Variants in PAX2 observed in about 807,000 individuals in gnomAD.
The protein encoded by PAX2 is paired box protein Pax-2.
Under a neutral mutation model 41.7 loss-of-function variants are expected in PAX2, and 9 were observed. The observed-to-expected ratio is 0.22, with a 90% CI of 0.13 to 0.38. The LOEUF is 0.38. PAX2 is among the 10% of genes least tolerant of loss of function. The pLI is 1.00. For synonymous variants in PAX2, 221 were observed against 212.7 expected (o/e 1.04, Z -0.34); for missense variants, 418 against 531.6 (o/e 0.79, Z 2.10).
chr10:100,760,148 C>T (rs1024641707), intron 3 of PAX2, among the ~76,000 whole-genome samples: 1 of 152,144 alleles, frequency 6.6e-6, no homozygotes, highest in Non-Finnish European at 1.5e-5. Flanking sequence ...ACTATGTGTG[C>T]TGGTGGTATC....
Position 100,806,354 on chromosome 10 carries a change from C to T in PAX2, c.617-76C>T. 3.4e-6 allele frequency: 5 copies of T among 1,491,536 alleles called. No homozygotes were observed. In the Admixed American group the frequency reaches 6.7e-5, roughly 20 times the overall value. 92.4% of individuals were successfully genotyped at this position (1,491,536 alleles called of 1,614,324 possible). ...GCTCCTGGGCCCGGAACCAGATGCC[C>T]ACCTCTTTGCCCTGCACTGTTCCTG... is the stretch of plus-strand genomic sequence containing the variant. On this transcript the variant is annotated intron_variant, in intron 5 of 9. Transcript: ENST00000355243.
Position 100,791,808 on chromosome 10 carries a change from A to AGAGT in PAX2, c.616+10445_616+10448dup, listed in dbSNP as rs1226736770. 1.3e-5 allele frequency among the ~76,000 whole-genome samples: 2 copies of AGAGT among 152,200 alleles called. No individual in the cohort carries two copies. Among genetic ancestry groups the AGAGT allele is most frequent in the Non-Finnish European group, 2.9e-5 (2 of 68,030 alleles). ...ACCTGCCATCTCCATCTCTTTAGGCAGAGTGCCCAGCATGAGCCCTTGGGC... is the reference window on the plus strand; with the variant it reads ...ACCTGCCATCTCCATCTCTTTAGGCAGAGTGAGTGCCCAGCATGAGCCCTTGGGC... On this transcript the variant is annotated intron_variant, in intron 5 of 9. Coordinates refer to ENST00000355243, the MANE Select transcript of PAX2 (RefSeq NM_000278.5). The surrounding 1 kb of genome is among the most constrained non-coding windows in gnomAD (Gnocchi z 4.5).
intron 5 of PAX2, chr10:100,786,794 C>T: frequency 2.1e-6 from 1 of 474,224 alleles, no homozygotes; most frequent in Non-Finnish European, 4.2e-6. Context: ...AAGGCCCTTA[C>T]AGCCAGGCTG....
rs765352654 is a variant in PAX2 at position 100,829,214 on chromosome 10, C to CCTGCCCCTCTCTCCCT, written c.*1610_*1625dup. The CCTGCCCCTCTCTCCCT allele has an allele frequency of 9.5e-5, 22 of 232,610 alleles. No homozygotes were observed. The South Asian group carries it at 3.4e-3, about 36-fold the overall frequency. The allele number at this position is 232,610 out of a possible 1,614,324, so 14.4% of individuals were successfully genotyped here. A position where few individuals can be genotyped will look rare whatever the true frequency, so the allele number is the denominator to read the frequency against. On this transcript the variant is annotated 3_prime_UTR_variant, in exon 10 of 10. Coordinates refer to ENST00000355243, the MANE Select transcript of PAX2 (RefSeq NM_000278.5). ...AATTCCGTGTTTTCGCTTTTTCCTC[C>CCTGCCCCTCTCTCCCT]CTGCCCCTCTCTCCCTCTGCCCCTC...
intron 3 of PAX2, among the ~76,000 whole-genome samples, chr10:100,755,431 A>G (rs1845593073): frequency 6.6e-6 from 1 of 152,376 alleles, no homozygotes; most frequent in East Asian, 1.9e-4. Flanking sequence ...GACGCAAAGA[A>G]GAAAAGAGAG....
chr10:100,738,989 C>T (rs1014815700), intron 1 of PAX2, among the ~76,000 whole-genome samples: 1 of 148,416 alleles, frequency 6.7e-6, no homozygotes, highest in Non-Finnish European at 1.5e-5. Context: ...CCCCGAGGGC[C>T]TAATCCGTCG....
chr10:100,749,566 T>G, intron 1 of PAX2, 180 bp from the exon 2 acceptor site: 1 of 1,402,822 alleles, frequency 7.1e-7, no homozygotes, highest in South Asian at 1.7e-5. Context: ...GCCCAGCGTC[T>G]GTGCTTCCAG....
chr10:100,825,212 G>A (rs535527033), intron 8 of PAX2, among the ~76,000 whole-genome samples: 1 of 152,254 alleles, frequency 6.6e-6, no homozygotes, highest in East Asian at 1.9e-4. Flanking sequence ...GAAGACCAAT[G>A]TTGAGAACCA....
intron 5 of PAX2, among the ~76,000 whole-genome samples, chr10:100,787,801 G>A (rs1306333963): frequency 6.6e-6 from 1 of 152,102 alleles, no homozygotes; most frequent in African/African-American, 2.4e-5. Flanking sequence ...TTTGAGAAAG[G>A]TGTGAGGAGC....
In PAX2 at chr10:100,735,610, G is replaced by A. The variant is rs1461612348; in HGVS notation, c.-99G>A. The stretch of plus-strand genomic sequence containing the variant: ...GTTGGGTGGCTGCGCCCAGATCTCC[G>A]GGCGGCGGCGGCGGCGAAGGCGAGA... On this transcript the variant is annotated 5_prime_UTR_variant, in exon 1 of 10. Coordinates refer to the PAX2 transcript ENST00000679374. 2.0e-6 allele frequency: 2 copies of A among 982,892 alleles called. 1 individual carries two copies. Among genetic ancestry groups the A allele is most frequent in the South Asian group, 9.5e-5 (2 of 21,016 alleles). 60.9% of individuals were successfully genotyped at this position (982,892 alleles called of 1,614,324 possible).
rs78118302 is a variant in PAX2, at chr10:100,806,757, T to C, written c.792+152T>C. On this transcript the variant is annotated intron_variant, in intron 6 of 9. Transcript: ENST00000355243. ...TGTGTGCAGTGTGAACAGGCTCACATGAGACAGTATGGTATCGTTAAGACA... is the reference window on the plus strand; with the variant it reads ...TGTGTGCAGTGTGAACAGGCTCACACGAGACAGTATGGTATCGTTAAGACA... The C allele has an allele frequency of 0.055, 42,496 of 766,528 alleles. 1,804 individuals are homozygous for C. Among genetic ancestry groups the C allele is most frequent in the African/African-American group, 0.13 (7,883 of 58,942 alleles). 47.5% of individuals were successfully genotyped at this position (766,528 alleles called of 1,614,324 possible). A position where few individuals can be genotyped will look rare whatever the true frequency, so the allele number is the denominator to read the frequency against.
chr10:100,759,114 A>T (rs1003260812), intron 3 of PAX2, among the ~76,000 whole-genome samples: 1 of 151,820 alleles, frequency 6.6e-6, no homozygotes, highest in African/African-American at 2.4e-5. Context: ...CCGCAAGGGG[A>T]GCTTGGATTT....
chr10:100,743,549 A>G (rs1217826171), upstream of PAX2, among the ~76,000 whole-genome samples: 2 of 152,156 alleles, frequency 1.3e-5, no homozygotes, highest in Admixed American at 6.5e-5. Flanking sequence ...CCTCTAAATA[A>G]GGACCCTTTC....
rs747453876 is a variant in PAX2, at chr10:100,787,013, T to C, written c.616+5648T>C. 9 of 1,382,130 alleles carry C rather than the reference T, an allele frequency of 6.5e-6. No individual in the cohort carries two copies. In the East Asian group the frequency reaches 2.3e-4, roughly 35 times the overall value. The allele number at this position is 1,382,130 out of a possible 1,614,324, so 85.6% of individuals were successfully genotyped here. On this transcript the variant is annotated intron_variant, in intron 5 of 9. Transcript: ENST00000355243. The stretch of plus-strand genomic sequence containing the variant: ...TGCATCTGGTCTGGACTTTAAGAGG[T>C]ATGAGGGCCAGAGGGAACATGGCGT...
intron 3 of PAX2, among the ~76,000 whole-genome samples, chr10:100,756,375 G>A (rs1184713446): frequency 1.3e-5 from 2 of 152,132 alleles, no homozygotes; most frequent in East Asian, 3.8e-4. Flanking sequence ...GTGTCTACCT[G>A]GAATTGGAGT....
At chr10:100,737,151 G>A (rs1053764734) in intron 1 of PAX2, among the ~76,000 whole-genome samples, 1 of 151,988 alleles carries the variant, frequency 6.6e-6, no homozygotes, top group Non-Finnish European at 1.5e-5. Context: ...TTTTCCCTCC[G>A]GGCAGGCGCT....
chr10:100,756,004 T>G, intron 3 of PAX2, among the ~76,000 whole-genome samples: 1 of 152,090 alleles, frequency 6.6e-6, no homozygotes, highest in South Asian at 2.1e-4. Flanking sequence ...ATGTTGGAAG[T>G]TGAGGTGGTA....
chr10:100,757,492 G>A lies in PAX2; in HGVS notation c.410+6601G>A, dbSNP rs540714885. Among the ~76,000 whole-genome samples, 13 of 152,368 alleles carry A rather than the reference G, an allele frequency of 8.5e-5. No individual in the cohort carries two copies. The South Asian group carries it at 1.4e-3, about 17-fold the overall frequency. On this transcript the variant is annotated intron_variant, in intron 3 of 9. Coordinates refer to ENST00000355243, the MANE Select transcript of PAX2 (RefSeq NM_000278.5). ...TACAATGATGCCACAAGAGCTGTGC[G>A]ACCAGCTGTCCATCCTTACTTTGAT...
intron 7 of PAX2, among the ~76,000 whole-genome samples, chr10:100,815,386 C>A (rs746995517): frequency 1.3e-5 from 2 of 152,128 alleles, no homozygotes; most frequent in Non-Finnish European, 2.9e-5. Flanking sequence ...CAACTTCAGA[C>A]GTGTGGCAAG....
Sources: gnomAD v4.1 joint callset for allele counts (sites outside exome capture counted in the v4.1 genomes callset) on GRCh38, gnomAD v4.1.1 for gene constraint, Gnocchi (gnomAD v3.1) non-coding constraint, MANE v1.5 for transcripts, NCBI Gene and HGNC (gene_info 2026-07-23, HGNC 2026-07-21) for gene names.